The following ARFGEF3 variants were observed in gnomAD, a reference collection of about 807,000 sequenced individuals.
The protein encoded by ARFGEF3 is brefeldin A-inhibited guanine nucleotide-exchange protein 3.
A neutral mutation model predicts 221.7 loss-of-function variants in ARFGEF3; 96 were observed. The observed-to-expected ratio is 0.43, with a 90% CI of 0.37 to 0.51. ARFGEF3 has a LOEUF of 0.51. ARFGEF3 is among the 20% of genes least tolerant of loss of function. ARFGEF3 has a pLI of 0.00. For synonymous variants in ARFGEF3, 1,145 were observed against 1,126.8 expected, an observed-to-expected ratio of 1.02 and a Z score of -0.32; for missense variants, 2,410 against 2,789.9, an observed-to-expected ratio of 0.86 and a Z score of 3.07.
chr6:138,209,779 T>C (rs1777687647), intron 3 of ARFGEF3, 131 bp from the exon 4 acceptor site: 2 of 1,163,690 alleles, frequency 1.7e-6, no homozygotes, highest in South Asian at 1.6e-5. Flanking sequence ...ATAGCGTAAG[T>C]TCTTTCTTAA....
intron 22 of ARFGEF3, among the ~76,000 whole-genome samples, chr6:138,303,875 A>AAAT (rs1185978952): frequency 1.3e-5 from 2 of 150,580 alleles, no homozygotes; most frequent in Non-Finnish European, 3.0e-5. Context: ...AAAAAAAAAA[A>AAAT]AAAAAAAAAA....
chr6:138,290,798 G>A (rs1779389406), intron 18 of ARFGEF3, among the ~76,000 whole-genome samples: 1 of 152,200 alleles, frequency 6.6e-6, no homozygotes, highest in East Asian at 1.9e-4. Flanking sequence ...AATGGCCAAT[G>A]GCCCAGGGCA....
chr6:138,202,257 C>T (rs1321579510), intron 2 of ARFGEF3, among the ~76,000 whole-genome samples: 4 of 152,138 alleles, frequency 2.6e-5, no homozygotes, highest in Non-Finnish European at 5.9e-5. Flanking sequence ...ATGATTTATT[C>T]CAGTACAGTG....
rs1174026905 is a variant in ARFGEF3 at position 138,343,625 on chromosome 6, C to T, written c.*7139C>T. ...AGTGCCAAAAAGGAGAGGAGGGAATCCAAAAGCCAATCTTTTGAACCAATG... is the reference window on the plus strand; with the variant it reads ...AGTGCCAAAAAGGAGAGGAGGGAATTCAAAAGCCAATCTTTTGAACCAATG... On this transcript the variant is annotated 3_prime_UTR_variant, in exon 34 of 34. Coordinates refer to ENST00000251691, the MANE Select transcript of ARFGEF3 (RefSeq NM_020340.5). 1 of 152,046 alleles carries T rather than the reference C, an allele frequency of 6.6e-6. No homozygotes were observed. The highest frequency in any genetic ancestry group is 1.5e-5 in the Non-Finnish European group (1 of 68,016). The allele number at this position is 152,046 out of a possible 1,614,324, so 9.4% of individuals were successfully genotyped here. A position where few individuals can be genotyped will look rare whatever the true frequency, so the allele number is the denominator to read the frequency against.
At chr6:138,315,932 A>G (rs1779918687) in intron 26 of ARFGEF3, among the ~76,000 whole-genome samples, 1 of 152,212 alleles carries the variant, frequency 6.6e-6, no homozygotes, top group East Asian at 1.9e-4. Context: ...GAACAATTAA[A>G]GTATTGAAAG....
chr6:138,260,885 C>T (rs1778779442), intron 10 of ARFGEF3, among the ~76,000 whole-genome samples: 1 of 152,066 alleles, frequency 6.6e-6, no homozygotes, highest in Non-Finnish European at 1.5e-5. Context: ...ATCTTTAGAA[C>T]ACTCTATTTG....
intron 2 of ARFGEF3, among the ~76,000 whole-genome samples, chr6:138,190,145 A>G (rs1046963606): frequency 6.6e-6 from 1 of 152,052 alleles, no homozygotes; most frequent in Non-Finnish European, 1.5e-5. Context: ...CTAGAAAGGC[A>G]GTTCACTTGC....
chr6:138,288,492 T>C (rs1779337597), intron 17 of ARFGEF3, among the ~76,000 whole-genome samples: 1 of 152,046 alleles, frequency 6.6e-6, no homozygotes, highest in Non-Finnish European at 1.5e-5. Context: ...GAGACCAGCC[T>C]GGCCAACATG....
In ARFGEF3 at chr6:138,243,013, A is replaced by C. The variant is rs1318878413; in HGVS notation, c.586+19A>C. On this transcript the variant is annotated intron_variant, in intron 7 of 33. Transcript: ENST00000251691. ...AATCAAGGTATGGCATTTGATTTGT[A>C]CTAGTTCAGTTTTTAAAGCAGGTGT... 6.2e-7 allele frequency: 1 copy of C among 1,605,928 alleles called. No homozygotes were observed. Among genetic ancestry groups the C allele is most frequent in the South Asian group, 1.1e-5 (1 of 90,066 alleles).
At chr6:138,265,120 G>T (rs546665490) in intron 12 of ARFGEF3, among the ~76,000 whole-genome samples, 7 of 152,152 alleles carry the variant, frequency 4.6e-5, no homozygotes, top group East Asian at 1.9e-4. Flanking sequence ...AGCCAGGATG[G>T]TCTCGATCTC....
chr6:138,294,573 C>G (rs1779473287), intron 20 of ARFGEF3, among the ~76,000 whole-genome samples: 1 of 152,176 alleles, frequency 6.6e-6, no homozygotes, highest in Non-Finnish European at 1.5e-5. Flanking sequence ...GAGGAAACTG[C>G]CTACCACTCT....
At chr6:138,285,532 G>A (rs1424824781) in intron 14 of ARFGEF3, among the ~76,000 whole-genome samples, 2 of 152,056 alleles carry the variant, frequency 1.3e-5, no homozygotes, top group Non-Finnish European at 2.9e-5. Context: ...GACCAAAGAG[G>A]CTTATTCTCC....
intron 20 of ARFGEF3, among the ~76,000 whole-genome samples, chr6:138,295,627 C>CAAAAAAAAAAA (rs34138067): frequency 3.2e-5 from 4 of 126,056 alleles, no homozygotes; most frequent in African/African-American, 3.0e-5. Context: ...GAGACTCCCT[C>CAAAAAAAAAAA]AAAAAAAAAA....
At chr6:138,241,018 T>C (rs1778386184) in intron 6 of ARFGEF3, among the ~76,000 whole-genome samples, 2 of 152,184 alleles carry the variant, frequency 1.3e-5, no homozygotes, top group African/African-American at 4.8e-5. Context: ...GGCTGAGTCA[T>C]GTAACACCCT....
intron 2 of ARFGEF3, among the ~76,000 whole-genome samples, chr6:138,178,009 T>C (rs1776990009): frequency 6.6e-6 from 1 of 152,222 alleles, no homozygotes; most frequent in Non-Finnish European, 1.5e-5. Flanking sequence ...CTGTGTTCTT[T>C]TGAGGGTGTC....
chr6:138,323,409 C>T (rs1352418238), intron 29 of ARFGEF3, among the ~76,000 whole-genome samples: 2 of 152,000 alleles, frequency 1.3e-5, no homozygotes, highest in African/African-American at 2.4e-5. Context: ...GATGGGAGTT[C>T]GAGGCCAGCC....
rs1226055420 is a variant in ARFGEF3 at position 138,342,158 on chromosome 6, C to T, written c.*5672C>T. ...GTGGTTCTCAAACTTTAGTACACAT[C>T]AGCATCACCTGGAGGGCCTTTTTTT... On this transcript the variant is annotated 3_prime_UTR_variant, in exon 34 of 34. Coordinates refer to ENST00000251691, the MANE Select transcript of ARFGEF3 (RefSeq NM_020340.5). 1 of 152,188 alleles carries T rather than the reference C, an allele frequency of 6.6e-6. No individual in the cohort carries two copies. Among genetic ancestry groups the T allele is most frequent in the South Asian group, 2.1e-4 (1 of 4,828 alleles). 9.4% of individuals were successfully genotyped at this position (152,188 alleles called of 1,614,324 possible). A position where few individuals can be genotyped will look rare whatever the true frequency, so the allele number is the denominator to read the frequency against.
At chr6:138,314,085 A>G (rs1415918660) in intron 26 of ARFGEF3, 146 bp downstream of exon 26, 10 of 895,990 alleles carry the variant, frequency 1.1e-5, no homozygotes, top group African/African-American at 1.7e-5. Flanking sequence ...AGTGATAAAT[A>G]GCAGATTTAT....
intron 20 of ARFGEF3, 132 bp downstream of exon 20, chr6:138,294,258 G>A: frequency 1.0e-6 from 1 of 955,178 alleles, no homozygotes; most frequent in Non-Finnish European, 1.5e-6. Flanking sequence ...CTAAGCCCAA[G>A]TATAGATTTG....
Sources: allele counts gnomAD v4.1 joint callset (sites outside exome capture counted in the v4.1 genomes callset), GRCh38; gene constraint gnomAD v4.1.1; transcripts MANE v1.5; gene names NCBI Gene and HGNC (gene_info 2026-07-23, HGNC 2026-07-21).